Variants in IFI16 observed in about 807,000 individuals in gnomAD.
IFI16 encodes interferon gamma inducible protein 16.
IFI16 carries 49 observed loss-of-function variants against 68.4 expected under a neutral mutation model. The observed-to-expected ratio is 0.72, with a 90% CI of 0.57 to 0.91. The LOEUF (loss-of-function observed/expected upper bound fraction) is 0.91, where lower values mean the gene tolerates loss of function less well. IFI16 is among the 40% of genes least tolerant of loss of function. IFI16 has a pLI of 0.00. For synonymous variants in IFI16, 307 were observed against 315.0 expected, an observed-to-expected ratio of 0.97 and a Z score of 0.27; for missense variants, 878 against 942.9, an observed-to-expected ratio of 0.93 and a Z score of 0.90.
chr1:159,050,890 T>G (rs750892632), intron 9 of IFI16, among the ~76,000 whole-genome samples: 1 of 152,188 alleles, frequency 6.6e-6, no homozygotes, highest in African/African-American at 2.4e-5. Context: ...CTTAATGATG[T>G]TTTTGCAACA....
At chr1:159,012,070 CTCT>C (rs1363763225) in intron 1 of IFI16, among the ~76,000 whole-genome samples, 4 of 151,030 alleles carry the variant, frequency 2.6e-5, no homozygotes, top group Non-Finnish European at 5.9e-5. Context: ...TTATTTTTCA[CTCT>C]TCTTATCTTT....
chr1:159,026,600 A>G (rs1298447000), intron 6 of IFI16, among the ~76,000 whole-genome samples: 2 of 152,136 alleles, frequency 1.3e-5, no homozygotes, highest in African/African-American at 2.4e-5. Flanking sequence ...CGCCCGGCCA[A>G]TATGGTCATT....
chr1:159,009,570 C>T (rs1294673053), upstream of IFI16, among the ~76,000 whole-genome samples: 1 of 152,144 alleles, frequency 6.6e-6, no homozygotes, highest in African/African-American at 2.4e-5. Context: ...TCTCTAATGA[C>T]TCACATGTAA....
intron 6 of IFI16, among the ~76,000 whole-genome samples, chr1:159,029,149 G>A (rs1232633341): frequency 1.3e-5 from 2 of 152,156 alleles, no homozygotes; most frequent in Admixed American, 1.3e-4. Flanking sequence ...TTCATTTCAA[G>A]ATTTAGAGCT....
intron 7 of IFI16, among the ~76,000 whole-genome samples, chr1:159,039,017 C>T (rs778683543): frequency 1.4e-4 from 21 of 152,284 alleles, no homozygotes; most frequent in Non-Finnish European, 2.8e-4. Flanking sequence ...TGGCTTCTAT[C>T]ACTTTGGTTA....
chr1:159,030,814 G>A (rs1653952532), intron 6 of IFI16, among the ~76,000 whole-genome samples: 1 of 150,560 alleles, frequency 6.6e-6, no homozygotes, highest in Admixed American at 6.6e-5. Flanking sequence ...CAATAGTATA[G>A]GGAGGATACA....
chr1:159,034,357 C>T (rs1259543896), intron 7 of IFI16, among the ~76,000 whole-genome samples: 1 of 152,068 alleles, frequency 6.6e-6, no homozygotes, highest in Non-Finnish European at 1.5e-5. Flanking sequence ...ACAAGGTATG[C>T]GTTCATGAAG....
At chr1:159,016,457 A>T in intron 3 of IFI16, 76 bp from the exon 4 acceptor site, 1 of 1,294,540 alleles carries the variant, frequency 7.7e-7, no homozygotes, top group Non-Finnish European at 1.1e-6. Context: ...TAATAAAACT[A>T]CTATCCAATA....
At chr1:159,026,544 C>T (rs147616673) in intron 6 of IFI16, among the ~76,000 whole-genome samples, 2,049 of 152,206 alleles carry the variant, frequency 0.013, 33 homozygotes, top group South Asian at 0.04. Flanking sequence ...GGTGATCCAC[C>T]TGGCTTGGCC....
upstream of IFI16, among the ~76,000 whole-genome samples, chr1:159,003,200 A>G (rs1220416619): frequency 6.6e-6 from 1 of 152,238 alleles, no homozygotes; most frequent in African/African-American, 2.4e-5. Flanking sequence ...GGTGTATTGC[A>G]GGGAAACTTC....
rs984159338 is a variant in IFI16, at chr1:159,055,019, G to C, written c.*118G>C. The C allele has an allele frequency of 4.5e-6, 2 of 447,976 alleles. No homozygotes were observed. The highest frequency in any genetic ancestry group is 8.1e-6 in the Non-Finnish European group (2 of 245,410). The allele number at this position is 447,976 out of a possible 1,614,324, so 27.8% of individuals were successfully genotyped here. ...ATACACACCACCATATATACTAGCT[G>C]TTAATCCTATGGAATGGGGTATTGG... On this transcript the variant is annotated 3_prime_UTR_variant, in exon 12 of 12. Coordinates refer to ENST00000295809, the MANE Select transcript of IFI16 (RefSeq NM_001376587.1).
chr1:159,016,578 A>C lies in IFI16; in HGVS notation c.427A>C (p.Lys143Gln), dbSNP rs1482428339. 6.2e-7 allele frequency: 1 copy of C among 1,614,042 alleles called. No individual in the cohort carries two copies. The highest frequency in any genetic ancestry group is 8.5e-7 in the Non-Finnish European group (1 of 1,180,008). The change falls in exon 4 of 12, where the codon AAG becomes CAG. Residue 143 changes from lysine (K) to glutamine (Q), a missense_variant. This residue lies in a region of IFI16 where 443 missense variants were observed against 421.8 expected (regional missense o/e 1.05). Coordinates refer to ENST00000295809, the MANE Select transcript of IFI16 (RefSeq NM_001376587.1). ...TKEKAGPKGS[K>Q]VSEEQTQPPS... ...AGAAAAGGCTGGACCCAAAGGGAGT[A>C]AGGTGTCCGAGGAACAGACTCAGCC...
At chr1:159,052,129 C>A (rs774044558) in intron 10 of IFI16, 31 bp downstream of exon 10, 4 of 1,525,638 alleles carry the variant, frequency 2.6e-6, no homozygotes, top group South Asian at 1.2e-5. Flanking sequence ...TATAAAATTT[C>A]TCCTGCAACC....
At chr1:159,045,859 A>G (rs1394237872) in intron 8 of IFI16, among the ~76,000 whole-genome samples, 1 of 151,346 alleles carries the variant, frequency 6.6e-6, no homozygotes, top group Non-Finnish European at 1.5e-5. Flanking sequence ...ATTTAGGAAA[A>G]GAAGGTACAT....
intron 7 of IFI16, 80 bp downstream of exon 7, chr1:159,032,771 C>A: frequency 9.6e-7 from 1 of 1,045,484 alleles, no homozygotes; most frequent in Non-Finnish European, 1.3e-6. Context: ...AGAGCTACTG[C>A]TGTAATCTCT....
chr1:159,014,460 A>T (rs1269732231), intron 1 of IFI16, among the ~76,000 whole-genome samples: 1 of 76,626 alleles, frequency 1.3e-5, no homozygotes. Context: ...ATTCTCATTC[A>T]ATGGGAATAA....
At chr1:159,035,755 A>AT (rs61109009) in intron 7 of IFI16, among the ~76,000 whole-genome samples, 27 of 150,532 alleles carry the variant, frequency 1.8e-4, no homozygotes, top group African/African-American at 6.1e-4. Flanking sequence ...CTTATCATTG[A>AT]TTTTTTTTTT....
At chr1:159,045,742 T>C (rs1324371709) in intron 8 of IFI16, among the ~76,000 whole-genome samples, 1 of 151,152 alleles carries the variant, frequency 6.6e-6, no homozygotes, top group East Asian at 1.9e-4. Context: ...ACCACGAAAA[T>C]AATACTTTAA....
At position 159,045,093 on chromosome 1, in the gene IFI16, T is replaced by C. The variant is rs976476312; in HGVS notation, c.1330-204T>C. On this transcript the variant is annotated intron_variant, in intron 7 of 11. Coordinates refer to ENST00000295809, the MANE Select transcript of IFI16 (RefSeq NM_001376587.1). ...GACAATGCAATTTCAGTTATCTGAG[T>C]TTTTAATCCTGACTGGGATGAGAGA... 1.1e-4 allele frequency among the ~76,000 whole-genome samples: 16 copies of C among 151,220 alleles called. 1 individual carries two copies. The highest frequency in any genetic ancestry group is 2.2e-4 in the Non-Finnish European group (15 of 67,724).
Sources: allele counts gnomAD v4.1 joint callset (sites outside exome capture counted in the v4.1 genomes callset), GRCh38; gene constraint gnomAD v4.1.1; regional missense constraint gnomAD v4.1.1; transcripts MANE v1.5; gene names NCBI Gene and HGNC (gene_info 2026-07-23, HGNC 2026-07-21).